Variants in PTPRB observed in about 807,000 individuals in gnomAD.
PTPRB encodes receptor-type tyrosine-protein phosphatase beta.
PTPRB carries 97 observed loss-of-function variants against 238.1 expected under a neutral mutation model. The ratio of observed to expected loss-of-function variants is 0.41; its 90% CI spans 0.35 to 0.48. PTPRB has a LOEUF of 0.48. Ranked by LOEUF, PTPRB falls within the 20% of genes least tolerant of loss-of-function variation. PTPRB has a pLI of 0.30. For missense variants in PTPRB, 2,292 were observed against 2,681.9 expected, an observed-to-expected ratio of 0.85 and a Z score of 3.21; for synonymous variants, 970 against 995.4, an observed-to-expected ratio of 0.97 and a Z score of 0.48.
intron 21 of PTPRB, among the ~76,000 whole-genome samples, chr12:70,552,210 A>G (rs763738828): frequency 6.6e-6 from 1 of 152,190 alleles, no homozygotes; most frequent in Non-Finnish European, 1.5e-5. Flanking sequence ...AGGGCCAGGC[A>G]TGGTGGCTCA....
chr12:70,537,628 G>A (rs1289285936), intron 28 of PTPRB, among the ~76,000 whole-genome samples: 1 of 152,160 alleles, frequency 6.6e-6, no homozygotes, highest in Non-Finnish European at 1.5e-5. Context: ...GGCCCAAAAA[G>A]GTGACATAAT....
rs935283887 is a variant in PTPRB at position 70,539,334 on chromosome 12, C to G, written c.5778+291G>C. ...TCTTCCAGCCAAGCAAATGGCCAGG[C>G]TGAATATCTGACAGCTTTAGGTCTG... is the stretch of plus-strand genomic sequence containing the variant. On this transcript the variant is annotated intron_variant, in intron 26 of 33. Transcript: ENST00000334414. 1.3e-5 allele frequency: 7 copies of G among 540,198 alleles called. No individual in the cohort carries two copies. The Admixed American group carries it at 2.0e-4, about 15-fold the overall frequency. The allele number at this position is 540,198 out of a possible 1,614,324, so 33.5% of individuals were successfully genotyped here. A position where few individuals can be genotyped will look rare whatever the true frequency, so the allele number is the denominator to read the frequency against.
intron 32 of PTPRB, among the ~76,000 whole-genome samples, chr12:70,530,772 C>T (rs1873118559): frequency 6.6e-6 from 1 of 152,144 alleles, no homozygotes; most frequent in African/African-American, 2.4e-5. Flanking sequence ...GAGATGGGCT[C>T]TTGCTATGTG....
chr12:70,579,130 A>G (rs1332607343), intron 10 of PTPRB, among the ~76,000 whole-genome samples: 1 of 152,172 alleles, frequency 6.6e-6, no homozygotes, highest in Non-Finnish European at 1.5e-5. Flanking sequence ...ACAACTGCAA[A>G]TCACTGGGAA....
Position 70,559,400 on chromosome 12 carries a change from C to T in PTPRB, c.4657G>A (p.Val1553Ile), listed in dbSNP as rs762921690. The T allele has an allele frequency of 6.2e-7, 1 of 1,613,932 alleles. No homozygotes were observed. The highest frequency in any genetic ancestry group is 8.5e-7 in the Non-Finnish European group (1 of 1,179,812). The change falls in exon 18 of 34, where the codon GTC (valine) becomes ATC (isoleucine). Residue 1553 changes from valine to isoleucine, a missense_variant. Around this residue, in one of 4 missense-constraint regions of PTPRB, gnomAD observed 683 missense variants for 862.0 expected, o/e 0.79. Coordinates refer to ENST00000334414, the MANE Select transcript of PTPRB (RefSeq NM_001109754.4). ...GRSYQFNVKT[V>I]SGDSWKTYSK... ...TAAGTTTTCCAGGAATCACCACTGACAGTCTTGACGTTGAATTGATAGGAT... is the reference window on the plus strand; with the variant it reads ...TAAGTTTTCCAGGAATCACCACTGATAGTCTTGACGTTGAATTGATAGGAT...
Position 70,594,529 on chromosome 12 carries a change from T to C in PTPRB, c.1454A>G (p.Asn485Ser). 5 of 1,613,934 alleles carry C rather than the reference T, an allele frequency of 3.1e-6. No individual in the cohort carries two copies. The highest frequency in any genetic ancestry group is 2.2e-5 in the East Asian group (1 of 44,866). ...TGCAGCCTCAGTCATAACAGTGAGG[T>C]TGTAGAGGTAGCCAGGGGTCAGCCC... ...FHGLTPGYLYNLTVMTEAAGL... is the reference protein window; with the variant it reads ...FHGLTPGYLYSLTVMTEAAGL... The change falls in exon 6 of 34, where the codon AAC becomes AGC. Residue 485 changes from asparagine (N) to serine (S), a missense_variant. Transcript: ENST00000334414.
rs546589783 is a variant in PTPRB, at chr12:70,554,238, C to T, written c.5143+922G>A. Among the ~76,000 whole-genome samples, 4 of 152,370 alleles carry T rather than the reference C, an allele frequency of 2.6e-5. No homozygotes were observed. The South Asian group carries it at 8.3e-4, about 32-fold the overall frequency. On this transcript the variant is annotated intron_variant, in intron 20 of 33. Transcript: ENST00000334414. ...TACCCATTGGCCTAGAAACTCCTCA[C>T]AGTTTGTCAGGTTTCAAGTTTCCCC...
In PTPRB at chr12:70,534,920, A is replaced by C; in HGVS notation, c.6117T>G (p.Asp2039Glu). ...GGATGAGGTCCCCATAGTAGAGGGAATCCTGGTCCGCTGGCCAGTAATGAT... is the reference window on the plus strand; with the variant it reads ...GGATGAGGTCCCCATAGTAGAGGGACTCCTGGTCCGCTGGCCAGTAATGAT... ...KCDHYWPADQ[D>E]SLYYGDLILQ... The change falls in exon 30 of 34, where the codon GAT (aspartate) becomes GAG (glutamate). Residue 2039 changes from aspartate (D) to glutamate (E), a missense_variant. By Grantham distance (45) the Asp-to-Glu change is conservative. Transcript: ENST00000334414. 6.2e-7 allele frequency: 1 copy of C among 1,613,820 alleles called. No homozygotes were observed. The highest frequency in any genetic ancestry group is 8.5e-7 in the Non-Finnish European group (1 of 1,179,764).
intron 3 of PTPRB, 61 bp from the exon 4 acceptor site, chr12:70,609,400 C>T (rs1213262945): frequency 1.9e-6 from 3 of 1,557,674 alleles, no homozygotes; most frequent in Non-Finnish European, 2.6e-6. Flanking sequence ...GGGACATGTC[C>T]ACAGCAAGCT....
intron 3 of PTPRB, among the ~76,000 whole-genome samples, chr12:70,620,767 C>T (rs1354690823): frequency 6.6e-6 from 1 of 152,166 alleles, no homozygotes; most frequent in Non-Finnish European, 1.5e-5. Flanking sequence ...GACATAAACA[C>T]TGAATTTTGT....
intron 11 of PTPRB, among the ~76,000 whole-genome samples, chr12:70,572,505 C>T (rs780290278): frequency 7.9e-5 from 12 of 151,884 alleles, no homozygotes; most frequent in Admixed American, 4.6e-4. Context: ...TGGTGGCTCA[C>T]ACCTGTAATC....
In PTPRB at chr12:70,626,233, A is replaced by T. The variant is rs1328453199; in HGVS notation, c.452-3587T>A. Among the ~76,000 whole-genome samples, 3 of 150,658 alleles carry T rather than the reference A, an allele frequency of 2.0e-5. No individual in the cohort carries two copies. The East Asian group carries it at 5.8e-4, about 29-fold the overall frequency. On this transcript the variant is annotated intron_variant, in intron 2 of 33. Transcript: ENST00000334414. ...GTGCCTTTTTAACAGAGAGCAAATC[A>T]TCTGGAAAAAAGATAACAAATGAAA...
chr12:70,520,312 A>G lies in PTPRB; in HGVS notation c.*1177T>C. On this transcript the variant is annotated 3_prime_UTR_variant, in exon 34 of 34. Coordinates refer to ENST00000334414, the MANE Select transcript of PTPRB (RefSeq NM_001109754.4). The stretch of plus-strand genomic sequence containing the variant: ...TGAAGATAAACTTGGTACAGTATGT[A>G]GTGCCTTTTGTTATTAAATGCAACT... 2.8e-6 allele frequency: 1 copy of G among 357,750 alleles called. No homozygotes were observed. The highest frequency in any genetic ancestry group is 2.1e-5 in the South Asian group (1 of 47,080). The allele number at this position is 357,750 out of a possible 1,614,324, so 22.2% of individuals were successfully genotyped here.
In PTPRB at chr12:70,637,406, G is replaced by A; in HGVS notation, c.-11C>T. 1 of 1,605,602 alleles carries A rather than the reference G, an allele frequency of 6.2e-7. No individual in the cohort carries two copies. Among genetic ancestry groups the A allele is most frequent in the Non-Finnish European group, 8.5e-7 (1 of 1,176,070 alleles). ...AAATTCAGCCTCCATTTTCCACTTAGCAACTGTTCATGCTTCGCTTGGGGA... is the reference window on the plus strand; with the variant it reads ...AAATTCAGCCTCCATTTTCCACTTAACAACTGTTCATGCTTCGCTTGGGGA... On this transcript the variant is annotated 5_prime_UTR_variant, in exon 1 of 34. Transcript: ENST00000334414.
Position 70,582,844 on chromosome 12 carries a change from GACAA to G in PTPRB, c.2312-1546_2312-1543del, listed in dbSNP as rs139438694. On this transcript the variant is annotated intron_variant, in intron 9 of 33. Coordinates refer to ENST00000334414, the MANE Select transcript of PTPRB (RefSeq NM_001109754.4). ...ACCGACAGAAAACATTTTGACCAAG[GACAA>G]ACAAACAATCCTATTTTAAAATCCA... 7.5e-4 allele frequency among the ~76,000 whole-genome samples: 114 copies of G among 152,124 alleles called. No individual in the cohort carries two copies. The East Asian group carries it at 0.014, about 19-fold the overall frequency.
rs774555092 is a variant in PTPRB at position 70,594,786 on chromosome 12, C to T, written c.1259-62G>A. On this transcript the variant is annotated intron_variant, in intron 5 of 33. Transcript: ENST00000334414. ...AATTCCCTTATAGGAGACATAGACACATTTAATTAGAAGTCACATATTCAT... is the reference window on the plus strand; with the variant it reads ...AATTCCCTTATAGGAGACATAGACATATTTAATTAGAAGTCACATATTCAT... The T allele has an allele frequency of 1.5e-4, 238 of 1,560,732 alleles. 1 individual carries two copies. Among genetic ancestry groups the T allele is most frequent in the Middle Eastern group, 7.6e-4 (4 of 5,240 alleles).
chr12:70,608,385 TA>T (rs72519726), intron 4 of PTPRB, among the ~76,000 whole-genome samples: 32,357 of 152,092 alleles, frequency 0.21, 3,563 homozygotes, highest in South Asian at 0.29. Flanking sequence ...TTGAATGACC[TA>T]AGTCTAACAC....
At chr12:70,564,871 AATAATAATAAT>A (rs1879064887) in intron 15 of PTPRB, among the ~76,000 whole-genome samples, 1 of 107,816 alleles carries the variant, frequency 9.3e-6, no homozygotes, top group Non-Finnish European at 1.9e-5. Flanking sequence ...TAATAATAAT[AATAATAATAAT>A]AATAATAAAT....
At chr12:70,550,916 G>A (rs1482729704) in intron 21 of PTPRB, among the ~76,000 whole-genome samples, 1 of 151,138 alleles carries the variant, frequency 6.6e-6, no homozygotes, top group Non-Finnish European at 1.5e-5. Flanking sequence ...TTATTTTTTA[G>A]ATGGAGTCTT....
Sources: gnomAD v4.1 joint callset for allele counts (sites outside exome capture counted in the v4.1 genomes callset) on GRCh38, gnomAD v4.1.1 for gene constraint, gnomAD v4.1.1 regional missense constraint, MANE v1.5 for transcripts, NCBI Gene and HGNC (gene_info 2026-07-23, HGNC 2026-07-21) for gene names.